The following HACD2 variants were observed in gnomAD, a reference collection of about 807,000 sequenced individuals.
HACD2 encodes very-long-chain (3R)-3-hydroxyacyl-CoA dehydratase 2.
Under a neutral mutation model 31.0 loss-of-function variants are expected in HACD2, and 15 were observed. The observed-to-expected ratio is 0.48, with a 90% CI of 0.32 to 0.75. HACD2 has a LOEUF of 0.75. HACD2 is among the 30% of genes least tolerant of loss of function. The pLI, the probability that HACD2 is intolerant of heterozygous loss-of-function variation, is 0.03. For synonymous variants in HACD2, 115 were observed against 122.2 expected (o/e 0.94, Z 0.39); for missense variants, 283 against 313.0 (o/e 0.90, Z 0.72).
intron 1 of HACD2, among the ~76,000 whole-genome samples, chr3:123,582,554 T>C (rs1224773149): frequency 6.6e-6 from 1 of 152,098 alleles, no homozygotes; most frequent in African/African-American, 2.4e-5. Context: ...TAGTGGCACC[T>C]CACCCATCTG....
At chr3:123,572,055 T>C (rs961894773) in intron 2 of HACD2, among the ~76,000 whole-genome samples, 2 of 152,102 alleles carry the variant, frequency 1.3e-5, no homozygotes, top group Admixed American at 6.6e-5. Flanking sequence ...ATTGTGGCAA[T>C]TGAAATACTC....
At chr3:123,559,468 G>A (rs777168404) in intron 3 of HACD2, among the ~76,000 whole-genome samples, 4 of 152,182 alleles carry the variant, frequency 2.6e-5, no homozygotes, top group Admixed American at 6.5e-5. Flanking sequence ...ATTCATTTCT[G>A]AAGCAACATC....
intron 1 of HACD2, 185 bp downstream of exon 1, chr3:123,584,688 G>A: frequency 2.4e-6 from 1 of 423,002 alleles, no homozygotes; most frequent in Non-Finnish European, 4.1e-6. Context: ...GGGAGCTCGC[G>A]GGCAGCCACC....
At chr3:123,513,846 T>C (rs9811572) in intron 4 of HACD2, among the ~76,000 whole-genome samples, 5,220 of 152,282 alleles carry the variant, frequency 0.034, 92 homozygotes, top group Middle Eastern at 0.088. Flanking sequence ...GTATCAAGGC[T>C]GATTTCCCGA....
intron 3 of HACD2, among the ~76,000 whole-genome samples, chr3:123,534,427 A>G (rs1026891932): frequency 2.0e-5 from 3 of 152,058 alleles, no homozygotes; most frequent in Non-Finnish European, 4.4e-5. Context: ...TGGTATAAAC[A>G]AATCTAGTGT....
At position 123,584,814 on chromosome 3, in the gene HACD2, G is replaced by A. The variant is rs978379010; in HGVS notation, c.155+59C>T. 273 of 1,338,814 alleles carry A rather than the reference G, an allele frequency of 2.0e-4. 1 individual carries two copies. Among genetic ancestry groups the A allele is most frequent in the Non-Finnish European group, 2.2e-4 (219 of 1,014,890 alleles). 82.9% of individuals were successfully genotyped at this position (1,338,814 alleles called of 1,614,324 possible). A position where few individuals can be genotyped will look rare whatever the true frequency, so the allele number is the denominator to read the frequency against. ...GCCGATCCTATCCGCCCCGCCGCTG[G>A]CCGCAGGGCTCCCTCCCCGGCCGCG... is the stretch of plus-strand genomic sequence containing the variant. On this transcript the variant is annotated intron_variant, in intron 1 of 6. Transcript: ENST00000383657.
In HACD2 at chr3:123,518,433, C is replaced by T. The variant is rs116613829; in HGVS notation, c.381+9953G>A. Among the ~76,000 whole-genome samples, 663 of 152,210 alleles carry T rather than the reference C, an allele frequency of 4.4e-3. 4 individuals carry two copies. The highest frequency in any genetic ancestry group is 0.016 in the African/African-American group (644 of 41,522). On this transcript the variant is annotated intron_variant, in intron 4 of 6. Transcript: ENST00000383657. Reference sequence around the variant, plus strand: ...AAAATCCTGTGGGACAGACCTCTGCCGCCAGTAGATAGCCTCTGCTACAGA... The same window carrying T: ...AAAATCCTGTGGGACAGACCTCTGCTGCCAGTAGATAGCCTCTGCTACAGA...
At chr3:123,560,633 G>A (rs929358638) in intron 3 of HACD2, among the ~76,000 whole-genome samples, 6 of 152,130 alleles carry the variant, frequency 3.9e-5, no homozygotes, top group African/African-American at 1.2e-4. Context: ...CAGGGGTCCC[G>A]GTAAGAACAA....
intron 4 of HACD2, among the ~76,000 whole-genome samples, chr3:123,525,662 G>A (rs565416435): frequency 2.8e-4 from 43 of 152,308 alleles, no homozygotes; most frequent in African/African-American, 1.0e-3. Context: ...TGGAGCAGGA[G>A]TCCAAATTCA....
intron 3 of HACD2, among the ~76,000 whole-genome samples, chr3:123,546,772 A>C (rs1559922027): frequency 1.3e-5 from 2 of 152,220 alleles, no homozygotes; most frequent in Non-Finnish European, 2.9e-5. Context: ...ATCTGAAGAG[A>C]ATCTGGGTGG....
At chr3:123,539,951 A>G (rs2056469280) in intron 3 of HACD2, among the ~76,000 whole-genome samples, 1 of 143,980 alleles carries the variant, frequency 6.9e-6, no homozygotes, top group Non-Finnish European at 1.5e-5. Flanking sequence ...GACAGGCATA[A>G]TGGTGTCTAC....
intron 3 of HACD2, among the ~76,000 whole-genome samples, chr3:123,563,403 G>T (rs1394922016): frequency 6.6e-6 from 1 of 152,150 alleles, no homozygotes; most frequent in African/African-American, 2.4e-5. Flanking sequence ...AGTAGGCACT[G>T]GAAAGACTGG....
At chr3:123,508,499 G>A (rs2056007137) in intron 4 of HACD2, among the ~76,000 whole-genome samples, 1 of 152,192 alleles carries the variant, frequency 6.6e-6, no homozygotes, top group Non-Finnish European at 1.5e-5. Flanking sequence ...ATGAAAAGCT[G>A]TCATTTTTAT....
chr3:123,542,435 A>G (rs2630266), intron 3 of HACD2, among the ~76,000 whole-genome samples: 144,797 of 152,262 alleles, frequency 0.95, 69,286 homozygotes, highest in East Asian at 1. Flanking sequence ...CTCACATTTT[A>G]CAAATGGGCA....
intron 3 of HACD2, among the ~76,000 whole-genome samples, chr3:123,549,255 A>T (rs1275705622): frequency 1.3e-5 from 2 of 152,108 alleles, no homozygotes; most frequent in Admixed American, 6.6e-5. Context: ...TCAAGGTGCT[A>T]ATCTGCCATT....
intron 3 of HACD2, among the ~76,000 whole-genome samples, chr3:123,546,341 AT>A (rs1293613223): frequency 6.6e-6 from 1 of 152,278 alleles, no homozygotes; most frequent in South Asian, 2.1e-4. Flanking sequence ...AGACAATACC[AT>A]TTGCTTACCC....
intron 3 of HACD2, among the ~76,000 whole-genome samples, chr3:123,556,150 A>G (rs1467415572): frequency 6.6e-6 from 1 of 152,090 alleles, no homozygotes; most frequent in East Asian, 1.9e-4. Flanking sequence ...TAAAAAATAA[A>G]TTGAGGCCGG....
chr3:123,556,385 C>T (rs1407777921), intron 3 of HACD2, among the ~76,000 whole-genome samples: 1 of 150,110 alleles, frequency 6.7e-6, no homozygotes, highest in Non-Finnish European at 1.5e-5. Flanking sequence ...TGCAGCGAGC[C>T]ATGACCATGA....
chr3:123,504,084 A>G (rs1559899189), intron 4 of HACD2, among the ~76,000 whole-genome samples: 2 of 152,214 alleles, frequency 1.3e-5, no homozygotes, highest in East Asian at 1.9e-4. Context: ...TGGTGCTCTC[A>G]TATTAGCCAA....
Sources: allele counts gnomAD v4.1 joint callset (sites outside exome capture counted in the v4.1 genomes callset), GRCh38; gene constraint gnomAD v4.1.1; transcripts MANE v1.5; gene names NCBI Gene and HGNC (gene_info 2026-07-23, HGNC 2026-07-21).